APMAP: variants seen among roughly 807,000 people sequenced by gnomAD.
The protein encoded by APMAP is adipocyte plasma membrane associated protein, also known as adipocyte plasma membrane-associated protein.
A neutral mutation model predicts 43.6 loss-of-function variants in APMAP; 33 were observed. The observed-to-expected ratio is 0.76, with a 90% confidence interval of 0.57 to 1.01. The LOEUF is 1.01. Ranked by LOEUF, APMAP falls within the 50% of genes least tolerant of loss-of-function variation. The pLI, the probability that APMAP is intolerant of heterozygous loss-of-function variation, is 0.00. For synonymous variants in APMAP, 224 were observed against 216.7 expected, an observed-to-expected ratio of 1.03 and a Z score of -0.30; for missense variants, 498 against 540.7, an observed-to-expected ratio of 0.92 and a Z score of 0.78.
At chr20:24,971,652 C>A in intron 4 of APMAP, 76 bp from the exon 5 acceptor site, 2 of 1,170,856 alleles carry the variant, frequency 1.7e-6, no homozygotes, top group Non-Finnish European at 2.6e-6. Flanking sequence ...CCAAGCATCT[C>A]ATCCATCCCT....
intron 1 of APMAP, among the ~76,000 whole-genome samples, chr20:24,986,856 C>T (rs1391735878): frequency 6.6e-6 from 1 of 152,204 alleles, no homozygotes; most frequent in Non-Finnish European, 1.5e-5. Flanking sequence ...CGCTGCCTGC[C>T]AAGAGCAAGA....
intron 3 of APMAP, among the ~76,000 whole-genome samples, chr20:24,977,613 A>T (rs1454796849): frequency 6.6e-6 from 1 of 152,196 alleles, no homozygotes. Flanking sequence ...TCACCAGCTC[A>T]TCAAAGAAAG....
At chr20:24,982,958 G>A (rs1308627551) in intron 2 of APMAP, among the ~76,000 whole-genome samples, 3 of 152,066 alleles carry the variant, frequency 2.0e-5, no homozygotes, top group African/African-American at 7.3e-5. Flanking sequence ...GACACTCTTG[G>A]AGCGGACTAG....
rs6138456 is a variant in APMAP at position 24,992,747 on chromosome 20, A to G, written c.-59T>C. ...CTCACACTGAGCGGCGCCGGCTCAG[A>G]CTCCAGGCCCGCCCTCCCCCGTACG... On this transcript the variant is annotated 5_prime_UTR_variant, in exon 1 of 9. Coordinates refer to ENST00000217456, the MANE Select transcript of APMAP (RefSeq NM_020531.3). 0.12 allele frequency: 153,506 copies of G among 1,296,770 alleles called. 9,342 individuals are homozygous for G. The highest frequency in any genetic ancestry group is 0.18 in the Middle Eastern group (662 of 3,646). 80.3% of individuals were successfully genotyped at this position (1,296,770 alleles called of 1,614,324 possible). A position where few individuals can be genotyped will look rare whatever the true frequency, so the allele number is the denominator to read the frequency against.
In APMAP at chr20:24,970,572, T is replaced by A. The variant is rs1311211721; in HGVS notation, c.539-201A>T. Among the ~76,000 whole-genome samples, 3 of 152,208 alleles carry A rather than the reference T, an allele frequency of 2.0e-5. No homozygotes were observed. The East Asian group carries it at 5.8e-4, about 29-fold the overall frequency. On this transcript the variant is annotated intron_variant, in intron 5 of 8. Coordinates refer to ENST00000217456, the MANE Select transcript of APMAP (RefSeq NM_020531.3). ...TAGACTAATTTCATTAAAGGCAGAA[T>A]CTTTTCTATAAGGATGAGGAATTCC... is the stretch of plus-strand genomic sequence containing the variant.
Position 24,963,989 on chromosome 20 carries a change from G to A in APMAP, c.1075C>T (p.Pro359Ser). ...FSQETVMKFV[P>S]RYSLVLELSD... Reference sequence around the variant, plus strand: ...AGTTCTAGGACGAGGCTGTACCGCGGCACAAACTTCATCACCGTCTCTTGA... The same window carrying A: ...AGTTCTAGGACGAGGCTGTACCGCGACACAAACTTCATCACCGTCTCTTGA... The change falls in exon 9 of 9, where the codon CCG becomes TCG. Residue 359 changes from proline to serine, a missense_variant. By Grantham distance (74) the Pro-to-Ser change is moderately conservative. Transcript: ENST00000217456. 2 of 1,614,232 alleles carry A rather than the reference G, an allele frequency of 1.2e-6. No homozygotes were observed. Among genetic ancestry groups the A allele is most frequent in the Non-Finnish European group, 1.7e-6 (2 of 1,180,038 alleles).
chr20:24,980,532 T>C (rs1460890170), intron 2 of APMAP, among the ~76,000 whole-genome samples: 2 of 146,152 alleles, frequency 1.4e-5, no homozygotes, highest in Non-Finnish European at 1.5e-5. Flanking sequence ...GGGGCCACCA[T>C]GGTCAAGAGG....
At chr20:24,966,843 A>G (rs982490718) in intron 8 of APMAP, among the ~76,000 whole-genome samples, 1 of 152,172 alleles carries the variant, frequency 6.6e-6, no homozygotes, top group African/African-American at 2.4e-5. Flanking sequence ...GGTTTCACTC[A>G]GTGGTAATGA....
chr20:24,968,316 GA>G (rs2087963766), intron 8 of APMAP, among the ~76,000 whole-genome samples: 1 of 152,212 alleles, frequency 6.6e-6, no homozygotes, highest in African/African-American at 2.4e-5. Context: ...TTTAAAAAGG[GA>G]AAGATTTGGG....
intron 3 of APMAP, among the ~76,000 whole-genome samples, chr20:24,978,027 G>C (rs1414557415): frequency 1.3e-5 from 2 of 152,180 alleles, no homozygotes; most frequent in African/African-American, 4.8e-5. Context: ...CACAACAGAA[G>C]CACCCTGTGT....
In APMAP at chr20:24,962,932, A is replaced by G. The variant is rs896502831; in HGVS notation, c.*881T>C. On this transcript the variant is annotated 3_prime_UTR_variant, in exon 9 of 9. Transcript: ENST00000217456. ...CCAGGCCACACCATCAAAAAAGGTT[A>G]ATCAGCAGAAGTCGATTTATCGTTA... 1 of 152,242 alleles carries G rather than the reference A, an allele frequency of 6.6e-6. No homozygotes were observed. The highest frequency in any genetic ancestry group is 1.5e-5 in the Non-Finnish European group (1 of 68,050). 9.4% of individuals were successfully genotyped at this position (152,242 alleles called of 1,614,324 possible).
intron 1 of APMAP, among the ~76,000 whole-genome samples, 167 bp downstream of exon 1, chr20:24,992,427 C>A (rs1178846458): frequency 6.6e-6 from 1 of 152,216 alleles, no homozygotes; most frequent in Non-Finnish European, 1.5e-5. Context: ...TCGGAGCCTG[C>A]TTCCTCGGAA....
chr20:24,989,745 A>C (rs2088176043), intron 1 of APMAP, among the ~76,000 whole-genome samples: 1 of 152,210 alleles, frequency 6.6e-6, no homozygotes, highest in Admixed American at 6.5e-5. Flanking sequence ...AGAAATCAAG[A>C]AACAAGTTTA....
intron 1 of APMAP, among the ~76,000 whole-genome samples, chr20:24,991,795 A>G (rs990312409): frequency 2.6e-5 from 4 of 152,252 alleles, no homozygotes; most frequent in African/African-American, 9.6e-5. Flanking sequence ...AATTTTAAGT[A>G]TCTTATATTG....
At chr20:24,982,001 G>C (rs1274911086) in intron 2 of APMAP, among the ~76,000 whole-genome samples, 2 of 152,212 alleles carry the variant, frequency 1.3e-5, no homozygotes, top group Non-Finnish European at 2.9e-5. Context: ...GCTCTGTCAT[G>C]TACCAGGCTT....
intron 8 of APMAP, among the ~76,000 whole-genome samples, chr20:24,965,804 A>C (rs2087937599): frequency 6.6e-6 from 1 of 152,198 alleles, no homozygotes; most frequent in Admixed American, 6.5e-5. Flanking sequence ...AAAATGGTTG[A>C]ACAGGTAAAC....
Position 24,963,602 on chromosome 20 carries a change from T to C in APMAP, c.*211A>G, listed in dbSNP as rs945939463. 1.2e-5 allele frequency: 7 copies of C among 588,884 alleles called. No homozygotes were observed. In the Admixed American group the frequency reaches 1.5e-4, roughly 13 times the overall value. The allele number at this position is 588,884 out of a possible 1,614,324, so 36.5% of individuals were successfully genotyped here. ...GAATTTATGTTCCTCATGGCAGATA[T>C]GTTACACTTCCCTCTAAACAGAAAG... is the stretch of plus-strand genomic sequence containing the variant. On this transcript the variant is annotated 3_prime_UTR_variant, in exon 9 of 9. Coordinates refer to ENST00000217456, the MANE Select transcript of APMAP (RefSeq NM_020531.3).
chr20:24,975,321 C>A (rs1034575621), intron 3 of APMAP, among the ~76,000 whole-genome samples: 4 of 152,152 alleles, frequency 2.6e-5, no homozygotes, highest in African/African-American at 7.2e-5. Flanking sequence ...TGGAACCAAG[C>A]AATTATAGCA....
chr20:24,966,804 C>A (rs749127358), intron 8 of APMAP, among the ~76,000 whole-genome samples: 6 of 152,176 alleles, frequency 3.9e-5, no homozygotes, highest in Non-Finnish European at 7.3e-5. Flanking sequence ...GCAGACCGGA[C>A]AGTCACAGGG....
Sources: allele counts gnomAD v4.1 joint callset (sites outside exome capture counted in the v4.1 genomes callset), GRCh38; gene constraint gnomAD v4.1.1; transcripts MANE v1.5; gene names NCBI Gene and HGNC (gene_info 2026-07-23, HGNC 2026-07-21).